PPM1B: variants seen among roughly 807,000 people sequenced by gnomAD.
The protein encoded by PPM1B is protein phosphatase, Mg2+/Mn2+ dependent 1B.
In PPM1B, 22 loss-of-function variants were observed where a neutral mutation model predicts 43.0. That is an observed-to-expected ratio of 0.51 (90% CI 0.37 to 0.73). PPM1B has a LOEUF of 0.73. Among genes scored for constraint, PPM1B ranks in the 30% least tolerant of loss-of-function variants. PPM1B has a pLI of 0.00. For missense variants in PPM1B, 632 were observed against 584.2 expected (o/e 1.08, Z -0.84); for synonymous variants, 217 against 197.9 (o/e 1.10, Z -0.81).
At chr2:44,185,951 A>T (rs1321620762) in intron 1 of PPM1B, among the ~76,000 whole-genome samples, 1 of 152,188 alleles carries the variant, frequency 6.6e-6, no homozygotes, top group East Asian at 1.9e-4. Context: ...TAAATAATTT[A>T]ATTCTGATGA....
chr2:44,209,956 G>A (rs915411189), intron 3 of PPM1B, among the ~76,000 whole-genome samples: 43 of 152,238 alleles, frequency 2.8e-4, no homozygotes, highest in African/African-American at 9.1e-4. Context: ...AAGGTAGTTC[G>A]TTAGAGCTTG....
chr2:44,218,113 C>A, intron 4 of PPM1B, 35 bp downstream of exon 4: 1 of 1,434,426 alleles, frequency 7.0e-7, no homozygotes, highest in South Asian at 1.2e-5. Context: ...TGAGTTCGTT[C>A]ATAATTAGTA....
chr2:44,214,966 A>G (rs1189690303), intron 3 of PPM1B, among the ~76,000 whole-genome samples: 4 of 152,220 alleles, frequency 2.6e-5, no homozygotes, highest in Non-Finnish European at 4.4e-5. Context: ...TAATAGCCAC[A>G]TTTTAATTTC....
chr2:44,236,670 A>G (rs961944033), downstream of PPM1B, among the ~76,000 whole-genome samples: 3 of 152,198 alleles, frequency 2.0e-5, no homozygotes, highest in African/African-American at 4.8e-5. Flanking sequence ...AACCAGAGGA[A>G]TATATGGTGC....
At chr2:44,184,104 C>A (rs1668014065) in intron 1 of PPM1B, among the ~76,000 whole-genome samples, 1 of 152,212 alleles carries the variant, frequency 6.6e-6, no homozygotes, top group Non-Finnish European at 1.5e-5. Flanking sequence ...TTGTATGTTT[C>A]CTTATTTGTA....
chr2:44,225,211 G>A (rs1163739655), intron 5 of PPM1B, among the ~76,000 whole-genome samples: 1 of 152,192 alleles, frequency 6.6e-6, no homozygotes, highest in African/African-American at 2.4e-5. Context: ...TTCCTTAGAT[G>A]GTAGGAGGAC....
chr2:44,225,681 G>C (rs1316014171), intron 5 of PPM1B, among the ~76,000 whole-genome samples: 2 of 152,050 alleles, frequency 1.3e-5, no homozygotes, highest in South Asian at 4.1e-4. Context: ...TTTTGAGACG[G>C]AGTCTCACCC....
downstream of PPM1B, among the ~76,000 whole-genome samples, chr2:44,236,984 T>C (rs528472106): frequency 1.6e-4 from 24 of 152,326 alleles, no homozygotes; most frequent in African/African-American, 5.1e-4. Context: ...AATTCCTAGT[T>C]GTGCAAAAAA....
chr2:44,176,926 C>G (rs1405107117), intron 1 of PPM1B, among the ~76,000 whole-genome samples: 1 of 152,022 alleles, frequency 6.6e-6, no homozygotes, highest in Non-Finnish European at 1.5e-5. Flanking sequence ...GATTACAGGC[C>G]TGCGGCACCA....
downstream of PPM1B, chr2:44,232,594 C>T: frequency 7.7e-7 from 1 of 1,301,062 alleles, no homozygotes; most frequent in Non-Finnish European, 9.8e-7. Flanking sequence ...CTGTATTGAA[C>T]TTTCGGCCCT....
rs571030860 is a variant in PPM1B, at chr2:44,217,038, G to A, written c.965-929G>A. 2.0e-5 allele frequency among the ~76,000 whole-genome samples: 3 copies of A among 152,070 alleles called. No individual in the cohort carries two copies. The South Asian group carries it at 6.2e-4, about 32-fold the overall frequency. ...GGATCCTTTGGAGATGAGGGAGGCG[G>A]GCAGAGTTGAAAGAGTAGTGGAAGT... On this transcript the variant is annotated intron_variant, in intron 3 of 5. Coordinates refer to ENST00000282412, the MANE Select transcript of PPM1B (RefSeq NM_002706.6).
At chr2:44,204,012 T>C (rs189518927) in intron 2 of PPM1B, among the ~76,000 whole-genome samples, 1 of 152,212 alleles carries the variant, frequency 6.6e-6, no homozygotes, top group East Asian at 1.9e-4. Flanking sequence ...GATGGCATCC[T>C]AGAATCTCAG....
At chr2:44,177,270 A>T (rs937849750) in intron 1 of PPM1B, among the ~76,000 whole-genome samples, 6 of 152,160 alleles carry the variant, frequency 3.9e-5, no homozygotes, top group Non-Finnish European at 8.8e-5. Flanking sequence ...GAATTTAAAA[A>T]AATTATCTCT....
intron 1 of PPM1B, among the ~76,000 whole-genome samples, chr2:44,198,081 C>A (rs1322249057): frequency 1.3e-5 from 2 of 151,982 alleles, no homozygotes; most frequent in Non-Finnish European, 2.9e-5. Flanking sequence ...TCCATGTGCC[C>A]CCTCTAAAAA....
At chr2:44,213,172 C>A (rs1669563112) in intron 3 of PPM1B, among the ~76,000 whole-genome samples, 1 of 145,082 alleles carries the variant, frequency 6.9e-6, no homozygotes, top group Non-Finnish European at 1.5e-5. Context: ...TTAATATAAC[C>A]TTTTGGTTTT....
intron 1 of PPM1B, among the ~76,000 whole-genome samples, chr2:44,194,722 C>G (rs1166948484): frequency 6.7e-6 from 1 of 149,574 alleles, no homozygotes; most frequent in African/African-American, 2.5e-5. Context: ...GACTCCATCT[C>G]AAAAAAAAGA....
chr2:44,236,167 G>A (rs909501036), downstream of PPM1B, among the ~76,000 whole-genome samples: 1 of 151,822 alleles, frequency 6.6e-6, no homozygotes, highest in Non-Finnish European at 1.5e-5. Flanking sequence ...AGGCCAAGGC[G>A]GGCAGATCAC....
intron 2 of PPM1B, among the ~76,000 whole-genome samples, chr2:44,207,212 G>A (rs1458092216): frequency 1.3e-5 from 2 of 152,076 alleles, no homozygotes; most frequent in Non-Finnish European, 2.9e-5. Context: ...GTTATTCAAG[G>A]CCACCTGTCT....
At chr2:44,196,299 G>C (rs966352915) in intron 1 of PPM1B, among the ~76,000 whole-genome samples, 6 of 152,004 alleles carry the variant, frequency 3.9e-5, no homozygotes, top group African/African-American at 1.4e-4. Flanking sequence ...GAGGAGTACT[G>C]GTCAGATATT....
Sources: gnomAD v4.1 joint callset for allele counts (sites outside exome capture counted in the v4.1 genomes callset) on GRCh38, gnomAD v4.1.1 for gene constraint, MANE v1.5 for transcripts, NCBI Gene and HGNC (gene_info 2026-07-23, HGNC 2026-07-21) for gene names.